PCP4: variants seen among roughly 807,000 people sequenced by gnomAD.
PCP4 encodes calmodulin regulator protein PCP4.
In PCP4, 8 loss-of-function variants were observed where a neutral mutation model predicts 10.0. The observed-to-expected ratio is 0.80, with a 90% CI of 0.47 to 1.45. PCP4 has a LOEUF of 1.45. Among genes scored for constraint, PCP4 ranks in the 40% most tolerant of loss-of-function variants. The pLI, the probability that PCP4 is intolerant of heterozygous loss-of-function variation, is 0.00. For missense variants in PCP4, 54 were observed against 74.4 expected (o/e 0.73, Z 1.01); for synonymous variants, 21 against 23.0 (o/e 0.91, Z 0.24).
intron 1 of PCP4, among the ~76,000 whole-genome samples, chr21:39,881,204 C>T (rs1053957424): frequency 2.6e-5 from 4 of 152,074 alleles, no homozygotes; most frequent in Admixed American, 6.5e-5. Context: ...TTTTCTGAAG[C>T]TATTTTTGTT....
chr21:39,908,644 T>C (rs1447395854), intron 2 of PCP4, among the ~76,000 whole-genome samples: 1 of 152,110 alleles, frequency 6.6e-6, no homozygotes, highest in Non-Finnish European at 1.5e-5. Context: ...GCAGAGTCTC[T>C]GGATGACTCC....
chr21:39,896,630 T>A (rs1393741445), intron 1 of PCP4, among the ~76,000 whole-genome samples: 1 of 152,222 alleles, frequency 6.6e-6, no homozygotes, highest in Non-Finnish European at 1.5e-5. Context: ...CTTTATTGGG[T>A]TATTGTCTGC....
At chr21:39,905,777 G>A (rs2087504312) in intron 2 of PCP4, among the ~76,000 whole-genome samples, 2 of 152,142 alleles carry the variant, frequency 1.3e-5, no homozygotes, top group South Asian at 2.1e-4. Context: ...GGCCGGGCAC[G>A]GTGGATCATG....
chr21:39,929,051 G>C lies in PCP4; in HGVS notation c.129G>C (p.Ala43=). The change falls in exon 3 of 3, where the codon GCG becomes GCC. Residue 43 remains alanine, a synonymous_variant. Transcript: ENST00000328619. The part of the protein sequence containing the change: ...DMDAPETERA[A]VAIQSQFRKF... ...ATGCACCAGAGACAGAACGTGCAGC[G>C]GTGGCCATTCAGTCTCAGTTCAGAA... is the stretch of plus-strand genomic sequence containing the variant. 1 of 1,613,496 alleles carries C rather than the reference G, an allele frequency of 6.2e-7. No homozygotes were observed. Among genetic ancestry groups the C allele is most frequent in the Non-Finnish European group, 8.5e-7 (1 of 1,179,674 alleles).
At chr21:39,885,781 G>T (rs146982690) in intron 1 of PCP4, among the ~76,000 whole-genome samples, 26 of 152,352 alleles carry the variant, frequency 1.7e-4, no homozygotes, top group Middle Eastern at 3.4e-3. Flanking sequence ...TTTCCTGAGC[G>T]TGCTTCTATC....
At chr21:39,877,206 A>G (rs1365680411) in intron 1 of PCP4, among the ~76,000 whole-genome samples, 1 of 152,180 alleles carries the variant, frequency 6.6e-6, no homozygotes, top group Non-Finnish European at 1.5e-5. Flanking sequence ...ATTGTCCTGA[A>G]TATTTTTATT....
At chr21:39,909,800 C>CTTT (rs11420148) in intron 2 of PCP4, among the ~76,000 whole-genome samples, 1 of 143,578 alleles carries the variant, frequency 7.0e-6, no homozygotes, top group Non-Finnish European at 1.5e-5. Flanking sequence ...CTTTTCTTTT[C>CTTT]TTTTTTTTTT....
At chr21:39,888,664 C>G (rs1323453136) in intron 1 of PCP4, among the ~76,000 whole-genome samples, 1 of 152,210 alleles carries the variant, frequency 6.6e-6, no homozygotes, top group Non-Finnish European at 1.5e-5. Flanking sequence ...TCAGCTCCTC[C>G]CCTCCACGCT....
chr21:39,889,502 C>T (rs1277409420), intron 1 of PCP4, among the ~76,000 whole-genome samples: 1 of 149,296 alleles, frequency 6.7e-6, no homozygotes, highest in Admixed American at 6.7e-5. Flanking sequence ...CTGCAAGCTC[C>T]GCCTCCCGGG....
At chr21:39,874,425 T>C (rs963872837) in intron 1 of PCP4, among the ~76,000 whole-genome samples, 5 of 152,202 alleles carry the variant, frequency 3.3e-5, no homozygotes, top group African/African-American at 1.2e-4. Context: ...GTCTGTGGTA[T>C]AGTGGCATGA....
intron 1 of PCP4, among the ~76,000 whole-genome samples, chr21:39,897,262 C>A (rs1173058379): frequency 6.6e-6 from 1 of 151,864 alleles, no homozygotes; most frequent in African/African-American, 2.4e-5. Flanking sequence ...GTGGCATGTG[C>A]CTGTAATCCC....
At chr21:39,899,790 G>A (rs1429729862) in intron 2 of PCP4, among the ~76,000 whole-genome samples, 2 of 152,112 alleles carry the variant, frequency 1.3e-5, no homozygotes, top group African/African-American at 4.8e-5. Context: ...GGCAAGGAAG[G>A]CAGGAAGCAG....
At chr21:39,890,938 G>T (rs1179904923) in intron 1 of PCP4, among the ~76,000 whole-genome samples, 2 of 152,134 alleles carry the variant, frequency 1.3e-5, no homozygotes, top group African/African-American at 4.8e-5. Flanking sequence ...TGTTAGTGAT[G>T]TTTGGGATGC....
chr21:39,872,385 T>C (rs2146323897), intron 1 of PCP4, among the ~76,000 whole-genome samples: 1 of 152,324 alleles, frequency 6.6e-6, no homozygotes, highest in East Asian at 1.9e-4. Flanking sequence ...TTGTCTATGG[T>C]CCTTCTGTTC....
At chr21:39,924,532 G>A (rs759361601) in intron 2 of PCP4, among the ~76,000 whole-genome samples, 2 of 152,114 alleles carry the variant, frequency 1.3e-5, no homozygotes, top group African/African-American at 2.4e-5. Flanking sequence ...CACGAGGCCT[G>A]TGTTCTTTGT....
chr21:39,901,230 TATA>T (rs964975320), intron 2 of PCP4, among the ~76,000 whole-genome samples: 1 of 152,206 alleles, frequency 6.6e-6, no homozygotes, highest in Non-Finnish European at 1.5e-5. Flanking sequence ...TCTTACCTTT[TATA>T]ATAATAATAT....
In PCP4 at chr21:39,926,126, G is replaced by C. The variant is rs1269283272; in HGVS notation, c.62-2858G>C. On this transcript the variant is annotated intron_variant, in intron 2 of 2. Coordinates refer to ENST00000328619, the MANE Select transcript of PCP4 (RefSeq NM_006198.3). ...TCCTGCCACTCCTCTAACAGCATCT[G>C]ACCTTCCCCGCCGCCCCGGGAACTG... 1.3e-4 allele frequency: 58 copies of C among 454,274 alleles called. 2 individuals are homozygous for C. The highest frequency in any genetic ancestry group is 1.3e-5 in the Non-Finnish European group (3 of 225,828). 28.1% of individuals were successfully genotyped at this position (454,274 alleles called of 1,614,324 possible). A position where few individuals can be genotyped will look rare whatever the true frequency, so the allele number is the denominator to read the frequency against.
intron 2 of PCP4, among the ~76,000 whole-genome samples, chr21:39,915,012 A>G (rs1259055118): frequency 6.6e-6 from 1 of 152,162 alleles, no homozygotes; most frequent in Non-Finnish European, 1.5e-5. Context: ...GTGGCCTGAA[A>G]TCTGACTAGG....
intron 2 of PCP4, among the ~76,000 whole-genome samples, chr21:39,927,972 A>G (rs996666421): frequency 2.6e-5 from 4 of 152,128 alleles, no homozygotes; most frequent in African/African-American, 9.7e-5. Context: ...AAGAAAGAAA[A>G]AGAAAAACGA....
Sources: allele counts gnomAD v4.1 joint callset (sites outside exome capture counted in the v4.1 genomes callset), GRCh38; gene constraint gnomAD v4.1.1; transcripts MANE v1.5; gene names NCBI Gene and HGNC (gene_info 2026-07-23, HGNC 2026-07-21).